The following LPAR1 variants were observed in gnomAD, a reference collection of about 807,000 sequenced individuals.
LPAR1 encodes LPA receptor 1.
LPAR1 carries 5 observed loss-of-function variants against 23.8 expected under a neutral mutation model. The observed-to-expected ratio is 0.21, with a 90% CI of 0.11 to 0.44. The LOEUF (loss-of-function observed/expected upper bound fraction) is 0.44. LPAR1 is among the 20% of genes least tolerant of loss of function. The probability of loss-of-function intolerance (pLI) is 0.99; values close to 1 mark genes in which losing one functional copy is unlikely to be tolerated. For synonymous variants in LPAR1, 160 were observed against 164.7 expected (o/e 0.97, Z 0.22); for missense variants, 311 against 482.8 (o/e 0.64, Z 3.33).
At chr9:110,935,805 G>A (rs957091627) in intron 5 of LPAR1, among the ~76,000 whole-genome samples, 2 of 152,192 alleles carry the variant, frequency 1.3e-5, no homozygotes, top group Non-Finnish European at 2.9e-5. Flanking sequence ...CTGCCTATAA[G>A]GAATTGGTGT....
At chr9:110,999,491 T>C in intron 2 of LPAR1, 1 of 454,832 alleles carries the variant, frequency 2.2e-6, no homozygotes, top group Non-Finnish European at 4.4e-6. Flanking sequence ...GCTATCCACT[T>C]GTCTTAGTCA....
At chr9:110,913,284 T>A (rs2092685136) in intron 5 of LPAR1, among the ~76,000 whole-genome samples, 1 of 152,208 alleles carries the variant, frequency 6.6e-6, no homozygotes, top group African/African-American at 2.4e-5. Context: ...TGCCAGACCA[T>A]GCTGCATAGA....
rs146417597 is a variant in LPAR1, at chr9:110,966,612, G to A, written c.45+5461C>T. On this transcript the variant is annotated intron_variant, in intron 4 of 5. Coordinates refer to ENST00000683809, the MANE Select transcript of LPAR1 (RefSeq NM_001351411.2). Reference sequence around the variant, plus strand: ...CCAGAACTTAAAGTAAAATATTTTAGAATAAAATAATTTAAATTCAAATAA... The same window carrying A: ...CCAGAACTTAAAGTAAAATATTTTAAAATAAAATAATTTAAATTCAAATAA... Among the ~76,000 whole-genome samples, 1,291 of 151,598 alleles carry A rather than the reference G, an allele frequency of 8.5e-3. 15 individuals carry two copies. Among genetic ancestry groups the A allele is most frequent in the African/African-American group, 0.029 (1,191 of 41,344 alleles).
chr9:110,892,830 CAGG>C (rs2084896981), intron 5 of LPAR1, among the ~76,000 whole-genome samples: 1 of 63,904 alleles, frequency 1.6e-5, no homozygotes, highest in African/African-American at 7.7e-5. Context: ...GGAAGGAAGG[CAGG>C]CAGGCAGGCA....
chr9:110,932,394 A>G (rs1296657531), intron 5 of LPAR1, among the ~76,000 whole-genome samples: 1 of 152,230 alleles, frequency 6.6e-6, no homozygotes, highest in Non-Finnish European at 1.5e-5. Context: ...ATCCCAGACT[A>G]AAGGATTCAC....
At chr9:111,011,504 T>G (rs190948811) in intron 2 of LPAR1, among the ~76,000 whole-genome samples, 2 of 152,316 alleles carry the variant, frequency 1.3e-5, no homozygotes, top group East Asian at 3.9e-4. Flanking sequence ...GCTACTCTTT[T>G]GTAACCAAAC....
At position 110,959,757 on chromosome 9, in the gene LPAR1, A is replaced by G. The variant is rs567691718; in HGVS notation, c.45+12316T>C. Among the ~76,000 whole-genome samples the G allele has an allele frequency of 1.4e-4, 22 of 152,342 alleles. 1 individual carries two copies. The highest frequency in any genetic ancestry group is 3.3e-4 in the Admixed American group (5 of 15,302). On this transcript the variant is annotated intron_variant, in intron 4 of 5. Coordinates refer to ENST00000683809, the MANE Select transcript of LPAR1 (RefSeq NM_001351411.2). Reference sequence around the variant, plus strand: ...ACAGATTCAACCTAAATGCCTACCAATTAATGAATGGATAAAGAAAATGTG... The same window carrying G: ...ACAGATTCAACCTAAATGCCTACCAGTTAATGAATGGATAAAGAAAATGTG...
chr9:110,918,381 T>C (rs1009405245), intron 5 of LPAR1, among the ~76,000 whole-genome samples: 5 of 152,224 alleles, frequency 3.3e-5, no homozygotes, highest in African/African-American at 1.2e-4. Context: ...TTTTCATTTA[T>C]ATTTTAACAG....
At chr9:110,939,358 A>G (rs986415579) in intron 5 of LPAR1, among the ~76,000 whole-genome samples, 1 of 152,178 alleles carries the variant, frequency 6.6e-6, no homozygotes, top group African/African-American at 2.4e-5. Flanking sequence ...CTATATTACA[A>G]TCTTATTCCC....
chr9:110,944,945 G>A (rs7866715), intron 4 of LPAR1, among the ~76,000 whole-genome samples: 1 of 152,108 alleles, frequency 6.6e-6, no homozygotes, highest in African/African-American at 2.4e-5. Flanking sequence ...GGATAAGAAC[G>A]CTATATTTCA....
chr9:110,901,670 G>A (rs1383139051), intron 5 of LPAR1, among the ~76,000 whole-genome samples: 1 of 152,136 alleles, frequency 6.6e-6, no homozygotes, highest in African/African-American at 2.4e-5. Context: ...CTCATGACAT[G>A]TGGGAATTGT....
intron 4 of LPAR1, among the ~76,000 whole-genome samples, chr9:110,963,924 C>T (rs1044073734): frequency 2.0e-5 from 3 of 152,340 alleles, no homozygotes; most frequent in African/African-American, 4.8e-5. Context: ...CCCGGGTCTA[C>T]GCCCATGCAT....
intron 4 of LPAR1, among the ~76,000 whole-genome samples, chr9:110,956,212 G>C (rs1014468634): frequency 2.7e-5 from 3 of 109,432 alleles, no homozygotes; most frequent in African/African-American, 1.1e-4. Context: ...ACCGGGAGGG[G>C]AACACCACAC....
At position 110,881,548 on chromosome 9, in the gene LPAR1, C is replaced by A. The variant is rs498328; in HGVS notation, c.794-5826G>T. ...ATTGCGCACGTACAAGTTCCATACC[C>A]TACAACAGACTCTAACTCTCATCCT... On this transcript the variant is annotated intron_variant, in intron 5 of 5. Coordinates refer to ENST00000683809, the MANE Select transcript of LPAR1 (RefSeq NM_001351411.2). Among the ~76,000 whole-genome samples, 38 of 151,936 alleles carry A rather than the reference C, an allele frequency of 2.5e-4. No homozygotes were observed. The East Asian group carries it at 6.0e-3, about 24-fold the overall frequency.
chr9:110,974,190 C>A (rs2096497392), intron 2 of LPAR1, among the ~76,000 whole-genome samples: 1 of 152,022 alleles, frequency 6.6e-6, no homozygotes, highest in African/African-American at 2.4e-5. Context: ...GCCAACCTTG[C>A]CTTTAAGGAG....
At chr9:110,922,164 A>T (rs1547665) in intron 5 of LPAR1, among the ~76,000 whole-genome samples, 74 of 151,980 alleles carry the variant, frequency 4.9e-4, no homozygotes, top group Non-Finnish European at 6.9e-4. Context: ...ATACTGTAAG[A>T]CTCTGGTTCC....
intron 5 of LPAR1, among the ~76,000 whole-genome samples, chr9:110,885,918 C>G (rs2082236615): frequency 6.6e-6 from 1 of 152,154 alleles, no homozygotes; most frequent in Non-Finnish European, 1.5e-5. Context: ...CAAAATTAGG[C>G]TGGGCGTGGT....
At chr9:111,033,263 TACA>T (rs1339323727) in intron 2 of LPAR1, among the ~76,000 whole-genome samples, 1 of 152,082 alleles carries the variant, frequency 6.6e-6, no homozygotes, top group Non-Finnish European at 1.5e-5. Context: ...AAGTTGATAA[TACA>T]ACAACAACAC....
At chr9:111,036,439 C>G (rs1178636856) in intron 1 of LPAR1, among the ~76,000 whole-genome samples, 2 of 152,102 alleles carry the variant, frequency 1.3e-5, no homozygotes, top group African/African-American at 4.8e-5. Flanking sequence ...TCCAAGCATC[C>G]TCTGTTGCTT....
Sources: allele counts gnomAD v4.1 joint callset (sites outside exome capture counted in the v4.1 genomes callset), GRCh38; gene constraint gnomAD v4.1.1; transcripts MANE v1.5; gene names NCBI Gene and HGNC (gene_info 2026-07-23, HGNC 2026-07-21).